Variants in IFI16 observed in about 807,000 individuals in gnomAD.
IFI16 encodes interferon gamma inducible protein 16.
In IFI16, 49 loss-of-function variants were observed where a neutral mutation model predicts 68.4. The ratio of observed to expected loss-of-function variants is 0.72; its 90% CI spans 0.57 to 0.91. IFI16 has a LOEUF of 0.91. IFI16 is among the 40% of genes least tolerant of loss of function. The pLI is 0.00. For missense variants in IFI16, 878 were observed against 942.9 expected, an observed-to-expected ratio of 0.93 and a Z score of 0.90; for synonymous variants, 307 against 315.0, an observed-to-expected ratio of 0.97 and a Z score of 0.27.
Position 159,018,295 on chromosome 1 carries a change from A to G in IFI16, c.616A>G (p.Ile206Val), listed in dbSNP as rs1446656271. The G allele has an allele frequency of 6.2e-7, 1 of 1,614,156 alleles. No homozygotes were observed. Among genetic ancestry groups the G allele is most frequent in the Non-Finnish European group, 8.5e-7 (1 of 1,179,990 alleles). Reference sequence around the variant, plus strand: ...AAATGTTCTCCAAAAACGCCCAGTGATAGTGAAGGTACTGAGTACAACAAA... The same window carrying G: ...AAATGTTCTCCAAAAACGCCCAGTGGTAGTGAAGGTACTGAGTACAACAAA... ...RRNVLQKRPV[I>V]VKVLSTTKPF... is the part of the protein sequence containing the mutation. Residue 206 changes from isoleucine (I) to valine (V), a missense_variant, in exon 5 of 12, where the codon ATA (isoleucine) becomes GTA (valine). By Grantham distance (29) the Ile-to-Val change is conservative. Transcript: ENST00000295809.
intron 7 of IFI16, among the ~76,000 whole-genome samples, chr1:159,040,256 G>A (rs1038277357): frequency 2.0e-5 from 3 of 152,152 alleles, no homozygotes. Flanking sequence ...ATTTTAAATA[G>A]TATAATAACA....
upstream of IFI16, chr1:159,009,796 C>A (rs139068416): frequency 1.3e-5 from 2 of 152,278 alleles, no homozygotes; most frequent in African/African-American, 4.8e-5. Flanking sequence ...TCCCCCATTT[C>A]CCCTCACCAC....
upstream of IFI16, among the ~76,000 whole-genome samples, chr1:159,006,822 A>AAAAC (rs151162799): frequency 5.3e-5 from 8 of 152,142 alleles, no homozygotes; most frequent in African/African-American, 7.2e-5. Context: ...CAAGTGCCAA[A>AAAAC]AAACAAACAA....
intron 7 of IFI16, among the ~76,000 whole-genome samples, chr1:159,033,450 C>A (rs998125641): frequency 6.6e-6 from 1 of 152,208 alleles, no homozygotes; most frequent in Non-Finnish European, 1.5e-5. Flanking sequence ...ACAACAATGA[C>A]AATAATTATA....
intron 9 of IFI16, 38 bp downstream of exon 9, chr1:159,049,637 C>T: frequency 6.2e-6 from 10 of 1,612,106 alleles, no homozygotes; most frequent in Non-Finnish European, 8.5e-6. Flanking sequence ...CCCCTCGCTA[C>T]TATATAATGA....
At position 159,047,180 on chromosome 1, in the gene IFI16, C is replaced by A. The variant is rs1237103633; in HGVS notation, c.1497+1716C>A. Among the ~76,000 whole-genome samples, 2 of 151,248 alleles carry A rather than the reference C, an allele frequency of 1.3e-5. 1 individual carries two copies. The highest frequency in any genetic ancestry group is 3.0e-5 in the Non-Finnish European group (2 of 67,604). ...TTTCTCACCCAAGCCCCAAGCTACCCCCGGCCCAGGTTGCGGACCCGAGCA... is the reference window on the plus strand; with the variant it reads ...TTTCTCACCCAAGCCCCAAGCTACCACCGGCCCAGGTTGCGGACCCGAGCA... On this transcript the variant is annotated intron_variant, in intron 8 of 11. Coordinates refer to ENST00000295809, the MANE Select transcript of IFI16 (RefSeq NM_001376587.1).
chr1:159,032,262 T>A (rs1256136038), intron 6 of IFI16, among the ~76,000 whole-genome samples: 2 of 152,172 alleles, frequency 1.3e-5, no homozygotes, highest in African/African-American at 4.8e-5. Context: ...GCTTTTGTCA[T>A]AAAGACAGAA....
intron 8 of IFI16, among the ~76,000 whole-genome samples, chr1:159,045,756 A>G (rs893616979): frequency 6.6e-6 from 1 of 151,320 alleles, no homozygotes; most frequent in Non-Finnish European, 1.5e-5. Context: ...ACTTTAAGGT[A>G]GAACAAGGTG....
At chr1:159,037,444 C>T (rs1430064532) in intron 7 of IFI16, among the ~76,000 whole-genome samples, 5 of 152,234 alleles carry the variant, frequency 3.3e-5, no homozygotes, top group Admixed American at 1.3e-4. Context: ...ATATGATATG[C>T]GTTCATTGTG....
Position 159,014,739 on chromosome 1 carries a change from A to T in IFI16, c.59A>T (p.Tyr20Phe). 6.2e-7 allele frequency: 1 copy of T among 1,609,392 alleles called. No homozygotes were observed. Among genetic ancestry groups the T allele is most frequent in the Non-Finnish European group, 8.5e-7 (1 of 1,175,874 alleles). Residue 20 changes from tyrosine (Y) to phenylalanine (F), a missense_variant, in exon 2 of 12, where the codon TAT becomes TTT. By Grantham distance (22) the Tyr-to-Phe change is conservative. This residue lies in a region of IFI16 where 65 missense variants were observed against 96.9 expected (regional missense o/e 0.67). Transcript: ENST00000295809. ...AAAGGATTAGAGGTCATCAATGATT[A>T]TCATTTTAGAATGGTTAAGTCCTTA... Reference protein sequence around the residue: ...LLKGLEVINDYHFRMVKSLLS... With the variant: ...LLKGLEVINDFHFRMVKSLLS...
chr1:159,034,913 T>A (rs571157360), intron 7 of IFI16, among the ~76,000 whole-genome samples: 4 of 152,356 alleles, frequency 2.6e-5, no homozygotes, highest in African/African-American at 9.6e-5. Flanking sequence ...TCAATTCTTA[T>A]TCCAGATTAC....
At chr1:159,049,388 A>C (rs768414675) in intron 8 of IFI16, 44 bp from the exon 9 acceptor site, 5 of 953,464 alleles carry the variant, frequency 5.2e-6, no homozygotes, top group South Asian at 1.7e-5. Flanking sequence ...TGATCTTGAA[A>C]AACATTAACT....
At chr1:159,012,764 G>A (rs901424050) in intron 1 of IFI16, among the ~76,000 whole-genome samples, 4 of 152,164 alleles carry the variant, frequency 2.6e-5, no homozygotes, top group Admixed American at 2.0e-4. Context: ...TAGGCGGGAA[G>A]GCATGTCTGG....
intron 6 of IFI16, among the ~76,000 whole-genome samples, chr1:159,022,479 G>A (rs1385330236): frequency 6.6e-6 from 1 of 152,192 alleles, no homozygotes; most frequent in Non-Finnish European, 1.5e-5. Context: ...CTCCTGCTGC[G>A]TTCGGTTTCC....
intron 6 of IFI16, among the ~76,000 whole-genome samples, chr1:159,027,423 T>C (rs1342474563): frequency 6.9e-6 from 1 of 144,466 alleles, no homozygotes; most frequent in African/African-American, 2.8e-5. Context: ...TGGATTCTGT[T>C]AGCTAGTATT....
At chr1:159,043,304 A>G (rs1352404940) in intron 7 of IFI16, among the ~76,000 whole-genome samples, 1 of 152,264 alleles carries the variant, frequency 6.6e-6, no homozygotes, top group Non-Finnish European at 1.5e-5. Context: ...TGACATACAT[A>G]GACATCATAA....
rs1208833058 is a variant in IFI16 at position 159,014,827 on chromosome 1, T to A, written c.147T>A (p.Ala49=). 6.2e-7 allele frequency: 1 copy of A among 1,614,182 alleles called. No individual in the cohort carries two copies. The highest frequency in any genetic ancestry group is 8.5e-7 in the Non-Finnish European group (1 of 1,179,994). Residue 49 remains alanine (A), a synonymous_variant, in exon 2 of 12, where the codon GCT becomes GCA. Coordinates refer to ENST00000295809, the MANE Select transcript of IFI16 (RefSeq NM_001376587.1). ...MREEYDKIQI[A]DLMEEKFRGD... ...AAGAGTATGACAAAATTCAGATTGC[T>A]GACTTGATGGAAGAAAAGTTCCGAG...
At chr1:159,030,003 T>C (rs1653904838) in intron 6 of IFI16, among the ~76,000 whole-genome samples, 1 of 152,140 alleles carries the variant, frequency 6.6e-6, no homozygotes, top group Admixed American at 6.5e-5. Context: ...TTTTAATTCA[T>C]TTTTCTTCAT....
At chr1:159,031,046 A>G (rs1365780333) in intron 6 of IFI16, among the ~76,000 whole-genome samples, 3 of 152,116 alleles carry the variant, frequency 2.0e-5, no homozygotes, top group Admixed American at 6.5e-5. Context: ...TCTCAGGCCA[A>G]TGGAGGTATA....
Sources: allele counts gnomAD v4.1 joint callset (sites outside exome capture counted in the v4.1 genomes callset), GRCh38; gene constraint gnomAD v4.1.1; regional missense constraint gnomAD v4.1.1; transcripts MANE v1.5; gene names NCBI Gene and HGNC (gene_info 2026-07-23, HGNC 2026-07-21).